HDAC9: variants seen among roughly 807,000 people sequenced by gnomAD.
HDAC9 encodes histone deacetylase 9, also known as MEF-2 interacting transcription repressor (MITR) protein.
Under a neutral mutation model 139.4 loss-of-function variants are expected in HDAC9, and 41 were observed. The observed-to-expected ratio is 0.29, with a 90% confidence interval of 0.23 to 0.38. The LOEUF is 0.38. Ranked by LOEUF, HDAC9 falls within the 10% of genes least tolerant of loss-of-function variation. HDAC9 has a pLI of 1.00. For missense variants in HDAC9, 1,147 were observed against 1,297.0 expected, an observed-to-expected ratio of 0.88 and a Z score of 1.78; for synonymous variants, 517 against 476.2, an observed-to-expected ratio of 1.09 and a Z score of -1.12.
intron 6 of HDAC9, among the ~76,000 whole-genome samples, chr7:18,612,595 C>A (rs1232408895): frequency 6.6e-6 from 1 of 151,986 alleles, no homozygotes; most frequent in Non-Finnish European, 1.5e-5. Flanking sequence ...TGATGAAGAA[C>A]TCTGTGATAC....
intron 17 of HDAC9, among the ~76,000 whole-genome samples, chr7:18,806,576 C>G (rs187399868): frequency 6.6e-6 from 1 of 152,262 alleles, no homozygotes; most frequent in African/African-American, 2.4e-5. Flanking sequence ...GGAAAAGGCT[C>G]TATGCTTTTA....
chr7:18,632,107 A>G (rs2128983619), intron 7 of HDAC9, among the ~76,000 whole-genome samples: 1 of 152,096 alleles, frequency 6.6e-6, no homozygotes, highest in East Asian at 1.9e-4. Flanking sequence ...AATCAGTCAT[A>G]TTGTAAAGAC....
At chr7:18,766,083 A>G (rs1479919340) in intron 15 of HDAC9, among the ~76,000 whole-genome samples, 2 of 152,210 alleles carry the variant, frequency 1.3e-5, no homozygotes, top group African/African-American at 4.8e-5. Context: ...GAATTCTACT[A>G]TAAACCTGTT....
At position 18,723,600 on chromosome 7, in the gene HDAC9, G is replaced by A. The variant is rs552614625; in HGVS notation, c.1732-3980G>A. Among the ~76,000 whole-genome samples, 24 of 152,232 alleles carry A rather than the reference G, an allele frequency of 1.6e-4. No individual in the cohort carries two copies. In the South Asian group the frequency reaches 2.7e-3, roughly 17 times the overall value. ...CTGGACAGGTAGGATGCTGCTTACTGAATTGTGAAATTTTATACTATGATG... is the reference window on the plus strand; with the variant it reads ...CTGGACAGGTAGGATGCTGCTTACTAAATTGTGAAATTTTATACTATGATG... On this transcript the variant is annotated intron_variant, in intron 12 of 25. Coordinates refer to ENST00000686413, the MANE Select transcript of HDAC9 (RefSeq NM_178425.4).
rs57980430 is a variant in HDAC9 at position 18,175,768 on chromosome 7, A to ACCC, written c.25+13429_25+13431dup. On this transcript the variant is annotated intron_variant, in intron 2 of 12. Coordinates refer to the HDAC9 transcript ENST00000417496. ...GAGGTAATCTGTAAAATTATTTTTA[A>ACCC]CCCCCCCCCCCCTTTTTTTAGAATA... 4.4e-3 allele frequency among the ~76,000 whole-genome samples: 494 copies of ACCC among 112,752 alleles called. 12 individuals are homozygous for ACCC. The highest frequency in any genetic ancestry group is 7.2e-3 in the Non-Finnish European group (392 of 54,220). The allele number at this position is 112,752 out of a possible 152,430, so 74.0% of individuals were successfully genotyped here.
intron 17 of HDAC9, among the ~76,000 whole-genome samples, chr7:18,816,502 A>G (rs1312388407): frequency 6.6e-6 from 1 of 152,222 alleles, no homozygotes; most frequent in Non-Finnish European, 1.5e-5. Flanking sequence ...CCAGTTATTT[A>G]ACAGGATATT....
intron 12 of HDAC9, among the ~76,000 whole-genome samples, chr7:18,718,485 G>A (rs1427741630): frequency 1.3e-5 from 2 of 152,018 alleles, no homozygotes; most frequent in Non-Finnish European, 2.9e-5. Flanking sequence ...CACCCGCCTC[G>A]GCCTCCCAAA....
intron 22 of HDAC9, among the ~76,000 whole-genome samples, chr7:18,929,457 C>A (rs1472552929): frequency 2.6e-5 from 4 of 151,948 alleles, no homozygotes; most frequent in African/African-American, 9.7e-5. Context: ...TCCACTTGGT[C>A]ATCAAAAGAA....
chr7:18,982,355 A>G (rs1043499917), intron 25 of HDAC9, among the ~76,000 whole-genome samples: 1 of 152,062 alleles, frequency 6.6e-6, no homozygotes, highest in Non-Finnish European at 1.5e-5. Context: ...TTCCATTTCC[A>G]TTAACATAAA....
At chr7:18,915,313 C>T (rs546978710) in intron 22 of HDAC9, among the ~76,000 whole-genome samples, 1 of 152,094 alleles carries the variant, frequency 6.6e-6, no homozygotes, top group East Asian at 1.9e-4. Context: ...ACTTTAAGAG[C>T]TAAACCCTAT....
At chr7:18,416,426 G>A (rs1237889352) in intron 1 of HDAC9, among the ~76,000 whole-genome samples, 1 of 152,082 alleles carries the variant, frequency 6.6e-6, no homozygotes, top group Non-Finnish European at 1.5e-5. Flanking sequence ...CCTCATTGGG[G>A]TTAGGTAGTA....
chr7:18,953,347 C>T (rs541215439), intron 23 of HDAC9, among the ~76,000 whole-genome samples: 37 of 152,256 alleles, frequency 2.4e-4, no homozygotes, highest in Non-Finnish European at 4.7e-4. Context: ...CTTTCTGCTG[C>T]AACATGCCAA....
chr7:18,954,136 A>G lies in HDAC9; in HGVS notation c.2938-10A>G, dbSNP rs1212597268. 1 of 1,538,868 alleles carries G rather than the reference A, an allele frequency of 6.5e-7. No individual in the cohort carries two copies. Among genetic ancestry groups the G allele is most frequent in the African/African-American group, 1.4e-5 (1 of 73,182 alleles). ...TATTCTGCTCATACTATTATCTACT[A>G]TTCTTGCAGCTGGAGCCACTTGCAG... On this transcript the variant is annotated splice_polypyrimidine_tract_variant and intron_variant, in intron 23 of 25. Coordinates refer to ENST00000686413, the MANE Select transcript of HDAC9 (RefSeq NM_178425.4).
At chr7:18,277,331 G>C (rs746662599) in intron 2 of HDAC9, among the ~76,000 whole-genome samples, 1 of 152,144 alleles carries the variant, frequency 6.6e-6, no homozygotes, top group African/African-American at 2.4e-5. Context: ...ACTGATCCAT[G>C]TCTTAAAAAG....
intron 2 of HDAC9, among the ~76,000 whole-genome samples, chr7:18,536,817 T>G (rs749742180): frequency 3.3e-5 from 5 of 152,198 alleles, no homozygotes; most frequent in Non-Finnish European, 7.4e-5. Flanking sequence ...TTCAAGAGAA[T>G]ATACTAGGGA....
chr7:18,729,434 T>G (rs896487731), intron 13 of HDAC9, among the ~76,000 whole-genome samples: 3 of 152,132 alleles, frequency 2.0e-5, no homozygotes, highest in African/African-American at 7.2e-5. Flanking sequence ...TTAAGAGGGG[T>G]GGCCCTTTTC....
At chr7:18,566,711 G>T (rs113084536) in intron 2 of HDAC9, among the ~76,000 whole-genome samples, 2 of 152,144 alleles carry the variant, frequency 1.3e-5, no homozygotes, top group African/African-American at 4.8e-5. Flanking sequence ...CATTGACAAG[G>T]TATTGGGCAT....
intron 2 of HDAC9, among the ~76,000 whole-genome samples, chr7:18,164,767 G>C (rs141690833): frequency 6.6e-6 from 1 of 152,278 alleles, no homozygotes; most frequent in South Asian, 2.1e-4. Flanking sequence ...AAATTTACTA[G>C]TTTTTATTTT....
chr7:18,416,714 A>G (rs903969712), intron 1 of HDAC9, among the ~76,000 whole-genome samples: 3 of 152,100 alleles, frequency 2.0e-5, no homozygotes, highest in Non-Finnish European at 4.4e-5. Flanking sequence ...TATTATCTTC[A>G]TAATATCTAT....
Sources: allele counts gnomAD v4.1 joint callset (sites outside exome capture counted in the v4.1 genomes callset), GRCh38; gene constraint gnomAD v4.1.1; transcripts MANE v1.5; gene names NCBI Gene and HGNC (gene_info 2026-07-23, HGNC 2026-07-21).